MARCHF1: variants seen among roughly 807,000 people sequenced by gnomAD.
The protein encoded by MARCHF1 is E3 ubiquitin-protein ligase MARCHF1.
A neutral mutation model predicts 54.2 loss-of-function variants in MARCHF1; 40 were observed. The ratio of observed to expected loss-of-function variants is 0.74; its 90% confidence interval spans 0.57 to 0.96. MARCHF1 has a LOEUF of 0.96. Among genes scored for constraint, MARCHF1 ranks in the 40% least tolerant of loss-of-function variants. The pLI is 0.00. For synonymous variants in MARCHF1, 236 were observed against 236.3 expected, an observed-to-expected ratio of 1.00 and a Z score of 0.01; for missense variants, 586 against 656.5, an observed-to-expected ratio of 0.89 and a Z score of 1.17.
chr4:164,373,352 C>CTTTTTTTTTT (rs5863683), intron 1 of MARCHF1, among the ~76,000 whole-genome samples: 4 of 91,616 alleles, frequency 4.4e-5, no homozygotes, highest in South Asian at 4.4e-4. Flanking sequence ...TGAAAAACTA[C>CTTTTTTTTTT]TTTTTTTTTT....
chr4:163,553,316 T>C (rs2320771), intron 8 of MARCHF1, among the ~76,000 whole-genome samples: 75,639 of 152,038 alleles, frequency 0.5, 19,371 homozygotes, highest in Admixed American at 0.6. Flanking sequence ...CCTCAGTTGT[T>C]CTTACTGTCT....
intron 1 of MARCHF1, among the ~76,000 whole-genome samples, chr4:164,236,080 T>A (rs1050566392): frequency 1.3e-5 from 2 of 152,044 alleles, no homozygotes; most frequent in African/African-American, 2.4e-5. Context: ...AGGATTCTAA[T>A]TTTTTAGTAC....
intron 4 of MARCHF1, among the ~76,000 whole-genome samples, chr4:163,818,693 C>T (rs1442682947): frequency 1.3e-5 from 2 of 152,042 alleles, no homozygotes; most frequent in African/African-American, 4.8e-5. Context: ...TATCCTCAGG[C>T]TCTTCTCAAA....
intron 2 of MARCHF1, among the ~76,000 whole-genome samples, chr4:164,047,193 C>T (rs1429987951): frequency 6.6e-6 from 1 of 152,184 alleles, no homozygotes. Flanking sequence ...TCAGGCAATG[C>T]TTCTGAAAGC....
At chr4:164,256,432 T>TAAAAAAAAAAAAA (rs11345775) in intron 1 of MARCHF1, among the ~76,000 whole-genome samples, 2 of 121,850 alleles carry the variant, frequency 1.6e-5, no homozygotes, top group African/African-American at 3.1e-5. Flanking sequence ...ACAAGAAGCT[T>TAAAAAAAAAAAAA]AAAAAAAAAA....
chr4:164,122,076 G>A (rs1246159514), intron 1 of MARCHF1, among the ~76,000 whole-genome samples: 1 of 152,016 alleles, frequency 6.6e-6, no homozygotes, highest in African/African-American at 2.4e-5. Flanking sequence ...CATGCCAACA[G>A]AATGAAGGAC....
chr4:163,830,211 T>C (rs1164690306), intron 4 of MARCHF1, among the ~76,000 whole-genome samples: 1 of 152,002 alleles, frequency 6.6e-6, no homozygotes, highest in Non-Finnish European at 1.5e-5. Context: ...AAATTTTTCA[T>C]AGATTTCCTA....
chr4:163,862,727 G>T (rs1299122087), intron 3 of MARCHF1, among the ~76,000 whole-genome samples: 1 of 151,998 alleles, frequency 6.6e-6, no homozygotes, highest in Non-Finnish European at 1.5e-5. Context: ...TTACCCAACT[G>T]ATTTTTAAAA....
At chr4:164,274,247 C>A (rs772533212) in intron 1 of MARCHF1, among the ~76,000 whole-genome samples, 1 of 152,134 alleles carries the variant, frequency 6.6e-6, no homozygotes, top group South Asian at 2.1e-4. Flanking sequence ...GTATTTTATA[C>A]GTACATTCAG....
At chr4:164,300,042 A>G (rs993322425) in intron 1 of MARCHF1, among the ~76,000 whole-genome samples, 1 of 152,148 alleles carries the variant, frequency 6.6e-6, no homozygotes, top group Non-Finnish European at 1.5e-5. Context: ...GAGCCCTGGG[A>G]CCTGTAAATA....
chr4:163,541,752 T>C (rs780147391), intron 9 of MARCHF1, among the ~76,000 whole-genome samples: 11 of 152,224 alleles, frequency 7.2e-5, no homozygotes, highest in Non-Finnish European at 1.3e-4. Context: ...TCAAGATGGA[T>C]TTAAAATATG....
At chr4:164,177,007 TATAC>T (rs1323431106) in intron 1 of MARCHF1, among the ~76,000 whole-genome samples, 51 of 89,422 alleles carry the variant, frequency 5.7e-4, no homozygotes, top group African/African-American at 2.9e-3. Flanking sequence ...TATATATATA[TATAC>T]AAATGATAGA....
intron 2 of MARCHF1, among the ~76,000 whole-genome samples, chr4:164,049,725 T>C (rs554142108): frequency 1.3e-5 from 2 of 152,328 alleles, no homozygotes; most frequent in Admixed American, 6.5e-5. Flanking sequence ...TGAAAGGAAA[T>C]GTCACCATAC....
At chr4:164,111,338 T>A (rs1755829840) in intron 2 of MARCHF1, among the ~76,000 whole-genome samples, 1 of 151,742 alleles carries the variant, frequency 6.6e-6, no homozygotes, top group Non-Finnish European at 1.5e-5. Flanking sequence ...AATAATAAGA[T>A]TCTTATCACA....
chr4:164,256,446 A>G lies in MARCHF1; in HGVS notation c.-323+127424T>C, dbSNP rs1479915784. 8.6e-5 allele frequency among the ~76,000 whole-genome samples: 13 copies of G among 150,414 alleles called. 1 individual carries two copies. In the East Asian group the frequency reaches 2.5e-3, roughly 29 times the overall value. On this transcript the variant is annotated intron_variant, in intron 1 of 9. Transcript: ENST00000514618. ...CACAAGAAGCTTAAAAAAAAAAAAA[A>G]AAGAAAGAAAAGAAAAGAAAAAGAA...
intron 4 of MARCHF1, among the ~76,000 whole-genome samples, chr4:163,731,125 T>A (rs759715846): frequency 3.3e-5 from 5 of 151,880 alleles, no homozygotes; most frequent in Admixed American, 2.0e-4. Flanking sequence ...AAAAAAAGAG[T>A]AAAGTAAAGC....
At chr4:164,172,794 G>A (rs940466745) in intron 1 of MARCHF1, among the ~76,000 whole-genome samples, 2 of 151,998 alleles carry the variant, frequency 1.3e-5, no homozygotes, top group Non-Finnish European at 2.9e-5. Context: ...TGGCTAACAC[G>A]GTGAAACCCC....
chr4:163,626,068 A>G (rs1163280965), intron 5 of MARCHF1, among the ~76,000 whole-genome samples: 1 of 152,214 alleles, frequency 6.6e-6, no homozygotes, highest in Non-Finnish European at 1.5e-5. Flanking sequence ...CTTTGAAATG[A>G]AGCATTCTTT....
At chr4:164,364,986 G>A (rs1206731628) in intron 1 of MARCHF1, among the ~76,000 whole-genome samples, 1 of 151,782 alleles carries the variant, frequency 6.6e-6, no homozygotes, top group African/African-American at 2.4e-5. Context: ...ACAAAATTTA[G>A]ACCATTTGAA....
Sources: gnomAD v4.1 joint callset for allele counts (sites outside exome capture counted in the v4.1 genomes callset) on GRCh38, gnomAD v4.1.1 for gene constraint, MANE v1.5 for transcripts, NCBI Gene and HGNC (gene_info 2026-07-23, HGNC 2026-07-21) for gene names.